The following MBP variants were observed in gnomAD, a reference collection of about 807,000 sequenced individuals.
The protein encoded by MBP is Golli-MBP.
In MBP, 16 loss-of-function variants were observed where a neutral mutation model predicts 35.8. That is an observed-to-expected ratio of 0.45 (90% CI 0.30 to 0.68). MBP has a LOEUF of 0.68. Ranked by LOEUF, MBP falls within the 30% of genes least tolerant of loss-of-function variation. The probability of loss-of-function intolerance (pLI) is 0.08; values close to 1 mark genes in which losing one functional copy is unlikely to be tolerated. For missense variants in MBP, 380 were observed against 404.7 expected, an observed-to-expected ratio of 0.94 and a Z score of 0.52; for synonymous variants, 143 against 159.6, an observed-to-expected ratio of 0.90 and a Z score of 0.78.
At chr18:77,025,744 G>A (rs1048615464) in intron 3 of MBP, among the ~76,000 whole-genome samples, 2 of 108,584 alleles carry the variant, frequency 1.8e-5, no homozygotes, top group African/African-American at 4.0e-5. Context: ...CATGTTTCTC[G>A]TGCTCCATTC....
At chr18:77,013,461 T>C (rs1277676120) in intron 4 of MBP, 1 of 985,290 alleles carries the variant, frequency 1.0e-6, no homozygotes, top group Non-Finnish European at 1.2e-6. Flanking sequence ...ATTAGGTTAC[T>C]GTAGAACTAA....
At chr18:77,013,401 G>A (rs538696084) in intron 4 of MBP, 38 of 985,312 alleles carry the variant, frequency 3.9e-5, no homozygotes, top group Non-Finnish European at 4.6e-5. Context: ...ACGCCCCATG[G>A]GATTACAGAA....
chr18:77,013,362 T>C (rs1971454857), intron 4 of MBP: 1 of 985,484 alleles, frequency 1.0e-6, no homozygotes, highest in South Asian at 4.7e-5. Flanking sequence ...TGCTGTCTAC[T>C]GTATCCTTCA....
intron 1 of MBP, chr18:77,108,188 T>C (rs1429889655): frequency 6.6e-6 from 1 of 152,262 alleles, no homozygotes; most frequent in Non-Finnish European, 1.5e-5. Context: ...GCTCTCACTG[T>C]CACGGGGCTA....
intron 2 of MBP, among the ~76,000 whole-genome samples, chr18:77,077,357 C>CAAAAAA (rs56002600): frequency 2.8e-5 from 3 of 107,728 alleles, no homozygotes; most frequent in Non-Finnish European, 5.4e-5. Context: ...GACTCCGTCG[C>CAAAAAA]AAAAAAAAAA....
intron 3 of MBP, among the ~76,000 whole-genome samples, chr18:77,043,769 C>A (rs76106966): frequency 6.6e-6 from 1 of 152,154 alleles, no homozygotes; most frequent in Non-Finnish European, 1.5e-5. Flanking sequence ...CCAGGGGAGC[C>A]GGAGTTGAGT....
chr18:76,985,556 C>T (rs924923484), intron 7 of MBP: 5 of 1,103,748 alleles, frequency 4.5e-6, no homozygotes, highest in East Asian at 1.5e-4. Context: ...GGCCATAGCT[C>T]GGACTGGGAG....
intron 2 of MBP, among the ~76,000 whole-genome samples, chr18:77,088,861 G>C (rs1975387632): frequency 6.6e-6 from 1 of 152,186 alleles, no homozygotes; most frequent in Admixed American, 6.5e-5. Context: ...CAGAGTCTTT[G>C]CAGATTTAAT....
chr18:77,072,941 A>G (rs1276625217), intron 2 of MBP, among the ~76,000 whole-genome samples: 1 of 152,164 alleles, frequency 6.6e-6, no homozygotes, highest in East Asian at 1.9e-4. Context: ...GCAATGGTCA[A>G]CCCTCCTTGC....
intron 2 of MBP, chr18:77,093,170 C>G (rs766119070): frequency 6.6e-6 from 1 of 152,220 alleles, no homozygotes; most frequent in Non-Finnish European, 1.5e-5. Context: ...CTGTCGCCCT[C>G]AGCCAGACCC....
At position 76,988,458 on chromosome 18, in the gene MBP, G is replaced by T. The variant is rs1335527563; in HGVS notation, c.750+37C>A. The T allele has an allele frequency of 6.2e-7, 1 of 1,614,208 alleles. No homozygotes were observed. Among genetic ancestry groups the T allele is most frequent in the Non-Finnish European group, 8.5e-7 (1 of 1,180,032 alleles). ...GTTGCGGGGCTGTGAGGACTGGGAC[G>T]GAAGAGGAAGCCGATGGAAGTGCGT... On this transcript the variant is annotated intron_variant, in intron 7 of 8. Coordinates refer to ENST00000355994, the MANE Select transcript of MBP (RefSeq NM_001025101.2). This position sits in a 1 kb window ranked among gnomAD's most constrained non-coding sequence, Gnocchi z 5.2.
intron 4 of MBP, among the ~76,000 whole-genome samples, chr18:76,999,240 G>A (rs62105701): frequency 0.032 from 4,833 of 152,158 alleles, 91 homozygotes; most frequent in Middle Eastern, 0.075. Context: ...GACCAGCCAT[G>A]GGGGACGCTG....
intron 8 of MBP, chr18:76,980,719 G>A (rs373574609): frequency 9.4e-6 from 5 of 533,828 alleles, no homozygotes; most frequent in East Asian, 3.2e-5. Flanking sequence ...AGGGAGTGGT[G>A]CCTGGCATAA....
At chr18:77,045,900 C>T (rs1568310867) in intron 3 of MBP, among the ~76,000 whole-genome samples, 2 of 152,092 alleles carry the variant, frequency 1.3e-5, no homozygotes, top group African/African-American at 2.4e-5. Context: ...AGCACAGCCG[C>T]GAGGTGAGTA....
chr18:77,024,911 G>A (rs1396700259), intron 3 of MBP, among the ~76,000 whole-genome samples: 3 of 152,322 alleles, frequency 2.0e-5, no homozygotes, highest in East Asian at 3.9e-4. Flanking sequence ...CCTGGGTGAC[G>A]TGTCCTCCCC....
chr18:77,066,093 G>T, intron 3 of MBP: 1 of 519,402 alleles, frequency 1.9e-6, no homozygotes, highest in Admixed American at 3.6e-5. Context: ...GAGCTCCTGG[G>T]CTCAAGCGAT....
intron 4 of MBP, chr18:77,009,925 A>G: frequency 6.3e-7 from 1 of 1,579,610 alleles, no homozygotes; most frequent in Non-Finnish European, 8.6e-7. Flanking sequence ...TAGCCAGGGT[A>G]CCTGCCGGGG....
In MBP at chr18:76,980,127, G is replaced by A. The variant is rs1471217818; in HGVS notation, c.*300C>T. 9.0e-6 allele frequency: 6 copies of A among 669,764 alleles called. No individual in the cohort carries two copies. The highest frequency in any genetic ancestry group is 1.1e-5 in the Non-Finnish European group (4 of 371,456). The allele number at this position is 669,764 out of a possible 1,614,324, so 41.5% of individuals were successfully genotyped here. A position where few individuals can be genotyped will look rare whatever the true frequency, so the allele number is the denominator to read the frequency against. On this transcript the variant is annotated 3_prime_UTR_variant, in exon 9 of 9. Transcript: ENST00000355994. Reference sequence around the variant, plus strand: ...GGTGGAGGGGTGAACGTGGAGGGACGTCTGTGCACCTGGCCCCCTGAAGAC... The same window carrying A: ...GGTGGAGGGGTGAACGTGGAGGGACATCTGTGCACCTGGCCCCCTGAAGAC...
At chr18:76,992,320 C>T (rs1048663345) in intron 4 of MBP, among the ~76,000 whole-genome samples, 4 of 152,192 alleles carry the variant, frequency 2.6e-5, no homozygotes, top group African/African-American at 9.6e-5. Context: ...ATGCCATTCC[C>T]AGTAGGGTTT....
Sources: gnomAD v4.1 joint callset for allele counts (sites outside exome capture counted in the v4.1 genomes callset) on GRCh38, gnomAD v4.1.1 for gene constraint, Gnocchi (gnomAD v3.1) non-coding constraint, MANE v1.5 for transcripts, NCBI Gene and HGNC (gene_info 2026-07-23, HGNC 2026-07-21) for gene names.